DAAM1: variants seen among roughly 807,000 people sequenced by gnomAD.
DAAM1 encodes disheveled-associated activator of morphogenesis 1.
In DAAM1, 52 loss-of-function variants were observed where a neutral mutation model predicts 130.0. The observed-to-expected ratio is 0.40, with a 90% CI of 0.32 to 0.50. DAAM1 has a LOEUF of 0.50. Ranked by LOEUF, DAAM1 falls within the 20% of genes least tolerant of loss-of-function variation. The probability of loss-of-function intolerance (pLI) is 0.61; values close to 1 mark genes in which losing one functional copy is unlikely to be tolerated. For missense variants in DAAM1, 1,134 were observed against 1,303.8 expected, an observed-to-expected ratio of 0.87 and a Z score of 2.01; for synonymous variants, 452 against 444.5, an observed-to-expected ratio of 1.02 and a Z score of -0.21.
intron 2 of DAAM1, chr14:59,264,250 G>A (rs955107307): frequency 3.7e-5 from 6 of 161,276 alleles, no homozygotes; most frequent in African/African-American, 1.4e-4. Context: ...CTGAAATGAA[G>A]GATGCATCTA....
At position 59,325,720 on chromosome 14, in the gene DAAM1, G is replaced by T; in HGVS notation, c.1046G>T (p.Arg349Ile). ...RNEDELEFAK[R>I]FELVHIDTKS... ...GAAGATGAACTAGAATTTGCCAAAA[G>T]ATTTGAACTGGTACGTATGCTTACA... The change falls in exon 9 of 25, where the codon AGA becomes ATA. Residue 349 changes from arginine (R) to isoleucine (I), a missense_variant. Around this residue, in one of 3 missense-constraint regions of DAAM1, gnomAD observed 391 missense variants for 521.6 expected, o/e 0.75. Coordinates refer to ENST00000360909, the MANE Select transcript of DAAM1 (RefSeq NM_001270520.2). 6.2e-7 allele frequency: 1 copy of T among 1,614,020 alleles called. No individual in the cohort carries two copies. Among genetic ancestry groups the T allele is most frequent in the Non-Finnish European group, 8.5e-7 (1 of 1,179,952 alleles).
intron 1 of DAAM1, among the ~76,000 whole-genome samples, chr14:59,226,180 G>A (rs946135404): frequency 3.3e-5 from 5 of 152,134 alleles, no homozygotes; most frequent in Non-Finnish European, 5.9e-5. Context: ...GGGACTTTCA[G>A]CTTGATGGAG....
chr14:59,325,692 AATGAAG>A lies in DAAM1; in HGVS notation c.1024_1029del (p.Asp342_Glu343del). On this transcript the variant is annotated inframe_deletion, in exon 9 of 25. Coordinates refer to ENST00000360909, the MANE Select transcript of DAAM1 (RefSeq NM_001270520.2). Reference sequence around the variant, plus strand: ...TTTAGACTTTTTTGAAATGCTCCGAAATGAAGATGAACTAGAATTTGCCAAAAGATT... The same window carrying A: ...TTTAGACTTTTTTGAAATGCTCCGAAATGAACTAGAATTTGCCAAAAGATT... The A allele has an allele frequency of 6.2e-7, 1 of 1,614,030 alleles. No individual in the cohort carries two copies. Among genetic ancestry groups the A allele is most frequent in the African/African-American group, 1.3e-5 (1 of 75,050 alleles).
chr14:59,234,601 A>G (rs1004208412), intron 1 of DAAM1, among the ~76,000 whole-genome samples: 2 of 152,144 alleles, frequency 1.3e-5, no homozygotes, highest in African/African-American at 2.4e-5. Context: ...CTCTCTTCCT[A>G]TTTGAATACC....
At chr14:59,367,241 T>C (rs60406392) in intron 23 of DAAM1, among the ~76,000 whole-genome samples, 188 bp from the exon 24 acceptor site, 6,756 of 151,632 alleles carry the variant, frequency 0.045, 453 homozygotes, top group African/African-American at 0.15. Flanking sequence ...TGAGCTGGGA[T>C]CATGCCACTG....
chr14:59,332,460 C>G (rs902247145), intron 15 of DAAM1, among the ~76,000 whole-genome samples: 2 of 152,084 alleles, frequency 1.3e-5, no homozygotes, highest in African/African-American at 4.8e-5. Flanking sequence ...TTGTAAAGAC[C>G]GAGCAAGTGG....
chr14:59,276,332 CA>C (rs1224878571), intron 2 of DAAM1, among the ~76,000 whole-genome samples: 2 of 152,182 alleles, frequency 1.3e-5, no homozygotes, highest in African/African-American at 4.8e-5. Flanking sequence ...TTCAATCTGC[CA>C]TTAGCTTCTT....
At chr14:59,266,626 A>G (rs1005225937) in intron 2 of DAAM1, among the ~76,000 whole-genome samples, 2 of 152,226 alleles carry the variant, frequency 1.3e-5, no homozygotes, top group Non-Finnish European at 2.9e-5. Context: ...TAAGTGAAGG[A>G]TGAATTTTTG....
At chr14:59,354,983 G>A (rs533746905) in intron 19 of DAAM1, among the ~76,000 whole-genome samples, 182 bp from the exon 20 acceptor site, 1 of 152,306 alleles carries the variant, frequency 6.6e-6, no homozygotes, top group East Asian at 1.9e-4. Flanking sequence ...GGCTCTCCCT[G>A]TCCTTGTTCT....
At chr14:59,229,183 T>A (rs1337482744) in intron 1 of DAAM1, among the ~76,000 whole-genome samples, 1 of 152,212 alleles carries the variant, frequency 6.6e-6, no homozygotes, top group Non-Finnish European at 1.5e-5. Flanking sequence ...TTTAGTATGT[T>A]TTTACCAAAG....
At chr14:59,271,826 A>G (rs1176986516) in intron 2 of DAAM1, among the ~76,000 whole-genome samples, 4 of 152,324 alleles carry the variant, frequency 2.6e-5, no homozygotes, top group Non-Finnish European at 5.9e-5. Context: ...AACATTTTTT[A>G]TCTCTTCATT....
rs116458553 is a variant in DAAM1, at chr14:59,243,436, A to G, written c.-37-20005A>G. On this transcript the variant is annotated intron_variant, in intron 1 of 24. Transcript: ENST00000360909. ...ATACTCTTCCTGATGTTTATGTATT[A>G]CAAGGTTCTTCTACTCAGGCTGGTG... is the stretch of plus-strand genomic sequence containing the variant. Among the ~76,000 whole-genome samples the G allele has an allele frequency of 7.2e-3, 1,097 of 152,312 alleles. 15 individuals are homozygous for G. Among genetic ancestry groups the G allele is most frequent in the African/African-American group, 0.026 (1,064 of 41,568 alleles).
intron 3 of DAAM1, among the ~76,000 whole-genome samples, chr14:59,303,747 A>G (rs1168157630): frequency 2.6e-5 from 4 of 152,076 alleles, no homozygotes; most frequent in Admixed American, 2.0e-4. Flanking sequence ...TAAAAATACA[A>G]AAATTAGCTG....
intron 1 of DAAM1, among the ~76,000 whole-genome samples, chr14:59,255,024 G>A (rs1881813776): frequency 6.6e-6 from 1 of 152,204 alleles, no homozygotes; most frequent in Non-Finnish European, 1.5e-5. Flanking sequence ...TGTGTCCCCT[G>A]CCTATGCTGA....
At chr14:59,261,342 G>A (rs1202487882) in intron 1 of DAAM1, among the ~76,000 whole-genome samples, 2 of 152,178 alleles carry the variant, frequency 1.3e-5, no homozygotes, top group Admixed American at 1.3e-4. Flanking sequence ...TGAGCTTCTA[G>A]TGAGTGACCT....
chr14:59,298,539 C>A (rs1884045983), intron 3 of DAAM1, among the ~76,000 whole-genome samples: 1 of 152,202 alleles, frequency 6.6e-6, no homozygotes, highest in Admixed American at 6.5e-5. Context: ...TCCTTGCATT[C>A]CTAAATGCTA....
intron 17 of DAAM1, among the ~76,000 whole-genome samples, chr14:59,348,125 T>A (rs1384459770): frequency 6.6e-6 from 1 of 152,206 alleles, no homozygotes; most frequent in African/African-American, 2.4e-5. Flanking sequence ...AGGTTGTAAA[T>A]GTCTTGGGGC....
intron 2 of DAAM1, among the ~76,000 whole-genome samples, chr14:59,272,236 T>G (rs1028234978): frequency 6.6e-6 from 1 of 152,162 alleles, no homozygotes; most frequent in Non-Finnish European, 1.5e-5. Context: ...AAAGTTTTGT[T>G]TAGCTAAAGG....
At chr14:59,277,281 A>G (rs973770645) in intron 2 of DAAM1, among the ~76,000 whole-genome samples, 1 of 152,056 alleles carries the variant, frequency 6.6e-6, no homozygotes, top group East Asian at 1.9e-4. Context: ...ATTGATTTGT[A>G]GCATGCCAAT....
Sources: allele counts gnomAD v4.1 joint callset (sites outside exome capture counted in the v4.1 genomes callset), GRCh38; gene constraint gnomAD v4.1.1; regional missense constraint gnomAD v4.1.1; transcripts MANE v1.5; gene names NCBI Gene and HGNC (gene_info 2026-07-23, HGNC 2026-07-21).